Variants in ADAMTS7 observed in about 807,000 individuals in gnomAD.
The protein encoded by ADAMTS7 is A disintegrin and metalloproteinase with thrombospondin motifs 7.
Under a neutral mutation model 172.6 loss-of-function variants are expected in ADAMTS7, and 89 were observed. That is an observed-to-expected ratio of 0.52 (90% CI 0.43 to 0.61). ADAMTS7 has a LOEUF of 0.61. Ranked by LOEUF, ADAMTS7 falls within the 20% of genes least tolerant of loss-of-function variation. The pLI is 0.00. For synonymous variants in ADAMTS7, 885 were observed against 978.4 expected, an observed-to-expected ratio of 0.90 and a Z score of 1.78; for missense variants, 1,973 against 2,355.6, an observed-to-expected ratio of 0.84 and a Z score of 3.36.
chr15:78,809,447 A>C (rs1321660597), intron 1 of ADAMTS7, among the ~76,000 whole-genome samples: 1 of 152,152 alleles, frequency 6.6e-6, no homozygotes, highest in Admixed American at 6.5e-5. Context: ...GTTTGTGCCC[A>C]GATTAGGTTG....
At chr15:78,807,300 G>T (rs2055810331) in intron 1 of ADAMTS7, among the ~76,000 whole-genome samples, 1 of 152,116 alleles carries the variant, frequency 6.6e-6, no homozygotes, top group South Asian at 2.1e-4. Context: ...GGGAGAAAAG[G>T]CCCCAAAAGC....
At chr15:78,772,631 C>G (rs1453329664) in intron 14 of ADAMTS7, among the ~76,000 whole-genome samples, 1 of 152,278 alleles carries the variant, frequency 6.6e-6, no homozygotes, top group Non-Finnish European at 1.5e-5. Flanking sequence ...GCTCCCACAG[C>G]CCTCCGGGCC....
intron 8 of ADAMTS7, among the ~76,000 whole-genome samples, chr15:78,778,250 C>T (rs757728060): frequency 1.1e-4 from 17 of 152,258 alleles, no homozygotes; most frequent in African/African-American, 4.1e-4. Flanking sequence ...GTCCACCACA[C>T]ACTCCTGCTG....
At position 78,800,559 on chromosome 15, in the gene ADAMTS7, GAACCACA is replaced by G. The variant is rs2055711626; in HGVS notation, c.101-19_101-13del. The G allele has an allele frequency of 1.3e-6, 2 of 1,578,590 alleles. No homozygotes were observed. The highest frequency in any genetic ancestry group is 4.6e-5 in the East Asian group (2 of 43,026). On this transcript the variant is annotated splice_polypyrimidine_tract_variant and intron_variant, in intron 1 of 23. Coordinates refer to ENST00000388820, the MANE Select transcript of ADAMTS7 (RefSeq NM_014272.5). ...CTCGGTTGCACGTCCTGCAGGGAGA[GAACCACA>G]AACGCCTAGGCCCAGGGCAGACCCG... is the stretch of plus-strand genomic sequence containing the variant.
intron 1 of ADAMTS7, among the ~76,000 whole-genome samples, chr15:78,803,462 T>TC (rs2055751356): frequency 6.6e-6 from 1 of 151,804 alleles, no homozygotes; most frequent in South Asian, 2.1e-4. Context: ...GGTCTTTTTT[T>TC]TTTTTTTTGA....
chr15:78,769,197 C>T (rs1415152670), intron 16 of ADAMTS7, among the ~76,000 whole-genome samples: 1 of 152,172 alleles, frequency 6.6e-6, no homozygotes, highest in African/African-American at 2.4e-5. Context: ...TCTGTCACTG[C>T]CAACCCTGGG....
In ADAMTS7 at chr15:78,806,138, A is replaced by C. The variant is rs1465403410; in HGVS notation, c.100+4983T>G. Among the ~76,000 whole-genome samples, 1,087 of 128,628 alleles carry C rather than the reference A, an allele frequency of 8.5e-3. 4 individuals are homozygous for C. The highest frequency in any genetic ancestry group is 0.033 in the East Asian group (130 of 3,936). The allele number at this position is 128,628 out of a possible 152,430, so 84.4% of individuals were successfully genotyped here. On this transcript the variant is annotated intron_variant, in intron 1 of 23. Transcript: ENST00000388820. ...CACACACACACACACAAAAAAAAAA[A>C]AAAAAAAAAAAAAAAAACAGAAAAA...
At chr15:78,797,392 T>C (rs7177699) in intron 3 of ADAMTS7, among the ~76,000 whole-genome samples, 49,838 of 152,250 alleles carry the variant, frequency 0.33, 9,411 homozygotes, top group Non-Finnish European at 0.44. Context: ...AGCCTGAGAT[T>C]GGCTTGCTAG....
intron 19 of ADAMTS7, among the ~76,000 whole-genome samples, chr15:78,765,369 C>T (rs1259123696): frequency 6.6e-6 from 1 of 152,256 alleles, no homozygotes; most frequent in African/African-American, 2.4e-5. Flanking sequence ...GCCTGGCGGC[C>T]ATGCGGGGAC....
At chr15:78,777,132 C>T in intron 9 of ADAMTS7, 2 of 565,974 alleles carry the variant, frequency 3.5e-6, no homozygotes, top group East Asian at 2.9e-5. Context: ...TTCAGGCGAT[C>T]TTCGCCAGGA....
chr15:78,774,609 G>A lies in ADAMTS7; in HGVS notation c.1876+15C>T, dbSNP rs747452487. The A allele has an allele frequency of 3.1e-6, 5 of 1,611,568 alleles. No individual in the cohort carries two copies. The South Asian group carries it at 5.5e-5, about 18-fold the overall frequency. On this transcript the variant is annotated intron_variant, in intron 12 of 23. Coordinates refer to ENST00000388820, the MANE Select transcript of ADAMTS7 (RefSeq NM_014272.5). ...CCCTCTAAGCCTCAATGTCTCCATG[G>A]GGGGCAGCACTCACCGTCATTGACC...
At chr15:78,789,538 GT>G in intron 7 of ADAMTS7, 150 bp downstream of exon 7, 3 of 1,116,958 alleles carry the variant, frequency 2.7e-6, no homozygotes, top group Non-Finnish European at 3.8e-6. Context: ...GGAGGGGACA[GT>G]GCAGGGGCAG....
At chr15:78,794,284 G>A (rs1490909361) in intron 4 of ADAMTS7, among the ~76,000 whole-genome samples, 1 of 152,316 alleles carries the variant, frequency 6.6e-6, no homozygotes, top group South Asian at 2.1e-4. Context: ...GCTTAGATGA[G>A]GTGGTGGGTG....
intron 1 of ADAMTS7, among the ~76,000 whole-genome samples, chr15:78,802,301 G>A (rs1216799357): frequency 6.6e-6 from 1 of 152,218 alleles, no homozygotes; most frequent in East Asian, 1.9e-4. Flanking sequence ...CTTTAGCAGT[G>A]CCTGAGCCAC....
rs1415375334 is a variant in ADAMTS7, at chr15:78,771,061, C to G, written c.2518+101G>C. ...ACTGAGGCTCAGAGAAGCAAACTTCCAAACCCGTGGTGGCCCAGCAGTGAG... is the reference window on the plus strand; with the variant it reads ...ACTGAGGCTCAGAGAAGCAAACTTCGAAACCCGTGGTGGCCCAGCAGTGAG... On this transcript the variant is annotated intron_variant, in intron 16 of 23. Transcript: ENST00000388820. This position sits in a 1 kb window ranked among gnomAD's most constrained non-coding sequence, Gnocchi z 4.9. The G allele has an allele frequency of 6.9e-7, 1 of 1,440,910 alleles. No homozygotes were observed. The highest frequency in any genetic ancestry group is 2.5e-5 in the Admixed American group (1 of 39,808). 89.3% of individuals were successfully genotyped at this position (1,440,910 alleles called of 1,614,324 possible). A position where few individuals can be genotyped will look rare whatever the true frequency, so the allele number is the denominator to read the frequency against.
rs55814083 is a variant in ADAMTS7 at position 78,776,190 on chromosome 15, A to G, written c.1704T>C (p.Pro568=). 1,845 of 1,609,648 alleles carry G rather than the reference A, an allele frequency of 1.1e-3. 16 individuals are homozygous for G. The African/African-American group carries it at 0.023, about 20-fold the overall frequency. Residue 568 remains proline, a splice_region_variant and synonymous_variant, in exon 11 of 24, where the codon CCT becomes CCC. Coordinates refer to ENST00000388820, the MANE Select transcript of ADAMTS7 (RefSeq NM_014272.5). ...GGCACCCTGGGCCCCACACTCACGT[A>G]GGCTGCGTGCACTGCCGCTCGGCGC... The part of the protein sequence containing the change: ...VQSAERQCTQ[P]TPKYKGRYCV...
chr15:78,778,254 C>G (rs1364260426), intron 8 of ADAMTS7, among the ~76,000 whole-genome samples: 4 of 152,264 alleles, frequency 2.6e-5, no homozygotes, highest in Non-Finnish European at 4.4e-5. Flanking sequence ...ACCACACACT[C>G]CTGCTGCTGT....
chr15:78,791,217 C>T lies in ADAMTS7; in HGVS notation c.826G>A (p.Gly276Ser). 7 of 1,612,632 alleles carry T rather than the reference C, an allele frequency of 4.3e-6. No homozygotes were observed. Among genetic ancestry groups the T allele is most frequent in the Non-Finnish European group, 5.9e-6 (7 of 1,179,350 alleles). Residue 276 changes from glycine to serine, a missense_variant, in exon 5 of 24, where the codon GGC (glycine) becomes AGC (serine). Around this residue, in one of 8 missense-constraint regions of ADAMTS7, gnomAD observed 526 missense variants for 662.9 expected, o/e 0.79. Transcript: ENST00000388820. ...YVLTIMNMVA[G>S]LFHDPSIGNP... ...CCAATGCTGGGGTCATGAAACAGGC[C>T]AGCCACCTGCCCAAGAGATGGGGGG...
In ADAMTS7 at chr15:78,763,607, C is replaced by G. The variant is rs140785197; in HGVS notation, c.4740+92G>C. 1.5e-4 allele frequency: 217 copies of G among 1,434,576 alleles called. 1 individual carries two copies. In the Middle Eastern group the frequency reaches 1.8e-3, roughly 12 times the overall value. The allele number at this position is 1,434,576 out of a possible 1,614,324, so 88.9% of individuals were successfully genotyped here. ...ACAGGGCCACAAAGAGCCTGGCTCA[C>G]AGCACACACTCCACAGCTCCTTCAC... On this transcript the variant is annotated intron_variant, in intron 22 of 23. Transcript: ENST00000388820.
Sources: allele counts gnomAD v4.1 joint callset (sites outside exome capture counted in the v4.1 genomes callset), GRCh38; gene constraint gnomAD v4.1.1; regional missense constraint gnomAD v4.1.1; non-coding constraint Gnocchi (gnomAD v3.1); transcripts MANE v1.5; gene names NCBI Gene and HGNC (gene_info 2026-07-23, HGNC 2026-07-21).